The following PPP1R37 variants were observed in gnomAD, a reference collection of about 807,000 sequenced individuals.
PPP1R37 encodes protein phosphatase 1 regulatory subunit 37.
In PPP1R37, 21 loss-of-function variants were observed where a neutral mutation model predicts 61.0. The ratio of observed to expected loss-of-function variants is 0.34; its 90% confidence interval spans 0.24 to 0.50. PPP1R37 has a LOEUF of 0.50. PPP1R37 is among the 20% of genes least tolerant of loss of function. The pLI, the probability that PPP1R37 is intolerant of heterozygous loss-of-function variation, is 0.98. For synonymous variants in PPP1R37, 443 were observed against 433.5 expected, an observed-to-expected ratio of 1.02 and a Z score of -0.27; for missense variants, 910 against 952.7, an observed-to-expected ratio of 0.96 and a Z score of 0.59.
At chr19:45,136,731 G>C (rs186854100) in intron 1 of PPP1R37, 1 of 152,560 alleles carries the variant, frequency 6.6e-6, no homozygotes, top group South Asian at 2.1e-4. Context: ...GCCTCTGTCG[G>C]CTTCTTTCCT....
At chr19:45,117,948 G>A (rs940345993) in intron 1 of PPP1R37, among the ~76,000 whole-genome samples, 3 of 152,350 alleles carry the variant, frequency 2.0e-5, no homozygotes, top group African/African-American at 4.8e-5. Context: ...CGCGTGATCC[G>A]CGTTTCTCAG....
intron 1 of PPP1R37, among the ~76,000 whole-genome samples, chr19:45,117,571 T>C (rs1228399742): frequency 6.6e-6 from 1 of 152,048 alleles, no homozygotes; most frequent in Non-Finnish European, 1.5e-5. Flanking sequence ...GACGTGGGTT[T>C]TCCTTCTACG....
At position 45,114,972 on chromosome 19, in the gene PPP1R37, G is replaced by A. The variant is rs138288033; in HGVS notation, c.202+21445G>A. Among the ~76,000 whole-genome samples, 953 of 152,252 alleles carry A rather than the reference G, an allele frequency of 6.3e-3. 8 individuals are homozygous for A. The highest frequency in any genetic ancestry group is 0.021 in the African/African-American group (892 of 41,544). Reference sequence around the variant, plus strand: ...GCAGAAAGCCCTGGGCTAGGGGACAGTCTTGGGCCCTTGTGTTCTGAGAGT... The same window carrying A: ...GCAGAAAGCCCTGGGCTAGGGGACAATCTTGGGCCCTTGTGTTCTGAGAGT... On this transcript the variant is annotated intron_variant, in intron 1 of 12. Transcript: ENST00000221462.
intron 1 of PPP1R37, among the ~76,000 whole-genome samples, chr19:45,125,409 GC>G (rs1475130219): frequency 2.6e-5 from 4 of 152,150 alleles, no homozygotes; most frequent in Non-Finnish European, 4.4e-5. Context: ...GTTGCAGTGA[GC>G]CAAGATCACA....
intron 8 of PPP1R37, chr19:45,144,649 C>T: frequency 1.8e-6 from 1 of 542,962 alleles, no homozygotes; most frequent in East Asian, 3.3e-5. Flanking sequence ...GGACGGGGGA[C>T]CTGGCATTTG....
At chr19:45,119,587 C>G (rs1048836334) in intron 1 of PPP1R37, among the ~76,000 whole-genome samples, 1 of 152,222 alleles carries the variant, frequency 6.6e-6, no homozygotes, top group African/African-American at 2.4e-5. Flanking sequence ...CTCCATGCCA[C>G]TCTCACCTGC....
At chr19:45,126,572 G>A (rs1483247427) in intron 1 of PPP1R37, among the ~76,000 whole-genome samples, 6 of 152,152 alleles carry the variant, frequency 3.9e-5, no homozygotes. Context: ...TTGCACCCTC[G>A]CCCTACCTCC....
In PPP1R37 at chr19:45,093,311, G is replaced by A. The variant is rs1967945525; in HGVS notation, c.-15G>A. Reference sequence around the variant, plus strand: ...GGCATGTCCCCGGGGCCCCCGTGAGGAGGCGGCGGCGGCTATGGAGATCGC... The same window carrying A: ...GGCATGTCCCCGGGGCCCCCGTGAGAAGGCGGCGGCGGCTATGGAGATCGC... On this transcript the variant is annotated 5_prime_UTR_variant, in exon 1 of 13. Transcript: ENST00000221462. 4 of 1,405,794 alleles carry A rather than the reference G, an allele frequency of 2.8e-6. No homozygotes were observed. In the African/African-American group the frequency reaches 4.6e-5, roughly 16 times the overall value. The allele number at this position is 1,405,794 out of a possible 1,614,324, so 87.1% of individuals were successfully genotyped here.
At chr19:45,129,329 C>T (rs1031551973) in intron 1 of PPP1R37, among the ~76,000 whole-genome samples, 4 of 152,112 alleles carry the variant, frequency 2.6e-5, no homozygotes, top group African/African-American at 9.7e-5. Flanking sequence ...GACAGAGTCT[C>T]ACTCTGTTGC....
chr19:45,107,258 C>T (rs548969941), intron 1 of PPP1R37, among the ~76,000 whole-genome samples: 17 of 151,884 alleles, frequency 1.1e-4, no homozygotes, highest in East Asian at 9.7e-4. Context: ...TTTGGGAGGC[C>T]GAAGAGTTCG....
intron 1 of PPP1R37, among the ~76,000 whole-genome samples, chr19:45,095,710 C>T (rs1455805680): frequency 6.7e-6 from 1 of 148,496 alleles, no homozygotes; most frequent in Non-Finnish European, 1.5e-5. Context: ...GTGCAGTGAA[C>T]TGTGATTGCG....
intron 1 of PPP1R37, among the ~76,000 whole-genome samples, chr19:45,119,889 C>A (rs1968317936): frequency 6.6e-6 from 1 of 152,184 alleles, no homozygotes; most frequent in South Asian, 2.1e-4. Flanking sequence ...TTAGGGGCTG[C>A]CAGGAAGCCC....
At position 45,142,227 on chromosome 19, in the gene PPP1R37, G is replaced by A. The variant is rs1405505475; in HGVS notation, c.718+16G>A. 1.6e-5 allele frequency: 24 copies of A among 1,533,040 alleles called. No individual in the cohort carries two copies. The highest frequency in any genetic ancestry group is 8.2e-5 in the African/African-American group (6 of 73,118). 95.0% of individuals were successfully genotyped at this position (1,533,040 alleles called of 1,614,324 possible). On this transcript the variant is annotated intron_variant, in intron 6 of 12. Coordinates refer to ENST00000221462, the MANE Select transcript of PPP1R37 (RefSeq NM_019121.2). Reference sequence around the variant, plus strand: ...ATGCTGCTCGGTGAGCCCCAAGCCCGGGAGGGTGAGCAGGATGTGCAGCCT... The same window carrying A: ...ATGCTGCTCGGTGAGCCCCAAGCCCAGGAGGGTGAGCAGGATGTGCAGCCT...
chr19:45,109,482 C>T (rs373589599), intron 1 of PPP1R37, among the ~76,000 whole-genome samples: 25 of 152,322 alleles, frequency 1.6e-4, no homozygotes, highest in African/African-American at 6.0e-4. Flanking sequence ...AGAGGGTCCA[C>T]TGTAACCACA....
At chr19:45,138,806 A>G (rs980005177) in intron 2 of PPP1R37, among the ~76,000 whole-genome samples, 195 bp downstream of exon 2, 2 of 152,256 alleles carry the variant, frequency 1.3e-5, no homozygotes, top group South Asian at 4.1e-4. Context: ...CTATAAAGTA[A>G]GACATTCAGG....
chr19:45,140,149 C>A, intron 2 of PPP1R37, 87 bp from the exon 3 acceptor site: 1 of 1,223,110 alleles, frequency 8.2e-7, no homozygotes, highest in Non-Finnish European at 1.2e-6. Context: ...AGAACCCTGC[C>A]TGACCTCAGG....
chr19:45,120,080 C>T (rs1338157583), intron 1 of PPP1R37, among the ~76,000 whole-genome samples: 3 of 141,538 alleles, frequency 2.1e-5, no homozygotes, highest in Non-Finnish European at 4.5e-5. Flanking sequence ...TGCAGTGGCG[C>T]GATCTCCGCT....
chr19:45,121,048 AG>A lies in PPP1R37; in HGVS notation c.203-17464del, dbSNP rs1968336508. Among the ~76,000 whole-genome samples, 1 of 152,162 alleles carries A rather than the reference AG, an allele frequency of 6.6e-6. No homozygotes were observed. Among genetic ancestry groups the A allele is most frequent in the Non-Finnish European group, 1.5e-5 (1 of 68,030 alleles). On this transcript the variant is annotated intron_variant, in intron 1 of 12. Coordinates refer to ENST00000221462, the MANE Select transcript of PPP1R37 (RefSeq NM_019121.2). This position sits in a 1 kb window ranked among gnomAD's most constrained non-coding sequence, Gnocchi z 4.2. Reference sequence around the variant, plus strand: ...ATAATTTCTATTTCTCAGGGCCATTAGGAAGTGGAAACGAGATCGAGTTTGT... The same window carrying A: ...ATAATTTCTATTTCTCAGGGCCATTAGAAGTGGAAACGAGATCGAGTTTGT...
intron 1 of PPP1R37, among the ~76,000 whole-genome samples, chr19:45,126,016 G>A (rs1226840509): frequency 6.6e-6 from 1 of 152,212 alleles, no homozygotes; most frequent in Non-Finnish European, 1.5e-5. Flanking sequence ...CTTCCCGAGG[G>A]TGTGCAGCCC....
Sources: allele counts gnomAD v4.1 joint callset (sites outside exome capture counted in the v4.1 genomes callset), GRCh38; gene constraint gnomAD v4.1.1; non-coding constraint Gnocchi (gnomAD v3.1); transcripts MANE v1.5; gene names NCBI Gene and HGNC (gene_info 2026-07-23, HGNC 2026-07-21).